KIF20A: variants seen among roughly 807,000 people sequenced by gnomAD.
KIF20A encodes kinesin-like protein KIF20A.
KIF20A carries 66 observed loss-of-function variants against 113.0 expected under a neutral mutation model. The ratio of observed to expected loss-of-function variants is 0.58; its 90% CI spans 0.48 to 0.72. KIF20A has a LOEUF of 0.72. Among genes scored for constraint, KIF20A ranks in the 30% least tolerant of loss-of-function variants. The pLI, the probability that KIF20A is intolerant of heterozygous loss-of-function variation, is 0.00. For missense variants in KIF20A, 927 were observed against 1,077.6 expected (o/e 0.86, Z 1.96); for synonymous variants, 376 against 402.3 (o/e 0.93, Z 0.78).
At chr5:138,186,957 T>G in intron 18 of KIF20A, 139 bp from the exon 19 acceptor site, 1 of 685,132 alleles carries the variant, frequency 1.5e-6, no homozygotes, top group Non-Finnish European at 2.4e-6. Context: ...AGTTATAAGC[T>G]CCGACCTTAA....
At chr5:138,187,006 G>A (rs1754755503) in intron 18 of KIF20A, 90 bp from the exon 19 acceptor site, 1 of 923,122 alleles carries the variant, frequency 1.1e-6, no homozygotes, top group Admixed American at 2.8e-5. Flanking sequence ...TTAGTAACTA[G>A]TAATGGATGG....
chr5:138,182,887 G>A lies in KIF20A; in HGVS notation c.729G>A (p.Arg243=). 6.2e-7 allele frequency: 1 copy of A among 1,614,222 alleles called. No homozygotes were observed. The highest frequency in any genetic ancestry group is 1.1e-5 in the South Asian group (1 of 91,082). The change falls in exon 7 of 19, where the codon AGG becomes AGA. Residue 243 remains arginine (R), a synonymous_variant. Transcript: ENST00000394894. ...QEEELSTSLK[R]SVYIESRIGT... ...AGGAGCTGTCCACTTCCTTGAAGAG[G>A]AGTGTCTACATCGAAAGTCGGATAG...
chr5:138,182,510 G>A (rs765241898), intron 5 of KIF20A, 49 bp downstream of exon 5: 6 of 1,612,126 alleles, frequency 3.7e-6, no homozygotes, highest in Non-Finnish European at 5.1e-6. Context: ...TAATGGTGTT[G>A]TTTTTACCTT....
rs1330470226 is a variant in KIF20A at position 138,182,729 on chromosome 5, G to A, written c.658G>A (p.Glu220Lys). Residue 220 changes from glutamate (E) to lysine (K), a missense_variant, in exon 6 of 19, where the codon GAG (glutamate) becomes AAG (lysine). Coordinates refer to ENST00000394894, the MANE Select transcript of KIF20A (RefSeq NM_005733.3). ...IWLDSKQIRQEEMKKLSLLNG... is the reference protein window; with the variant it reads ...IWLDSKQIRQKEMKKLSLLNG... ...GCTAGACAGCAAGCAGATCCGACAGGAGGAAATGAAGAAGCTGTCCCTGCT... is the reference window on the plus strand; with the variant it reads ...GCTAGACAGCAAGCAGATCCGACAGAAGGAAATGAAGAAGCTGTCCCTGCT... The A allele has an allele frequency of 1.2e-6, 2 of 1,614,012 alleles. No homozygotes were observed. The highest frequency in any genetic ancestry group is 1.1e-5 in the South Asian group (1 of 91,084).
At chr5:138,179,877 A>G in intron 2 of KIF20A, 32 bp downstream of exon 2, 1 of 1,609,754 alleles carries the variant, frequency 6.2e-7, no homozygotes, top group Non-Finnish European at 8.5e-7. Flanking sequence ...TGGGGCGGAA[A>G]GTGATATCCT....
In KIF20A at chr5:138,185,799, A is replaced by G. The variant is rs1352125856; in HGVS notation, c.2125+89A>G. ...GGCCTTCTAACTCCTGCTCTAACAT[A>G]ATTTCCTAAACTGCAAGCTACATCC... On this transcript the variant is annotated intron_variant, in intron 16 of 18. Transcript: ENST00000394894. 6 of 1,452,206 alleles carry G rather than the reference A, an allele frequency of 4.1e-6. No homozygotes were observed. In the African/African-American group the frequency reaches 7.0e-5, roughly 17 times the overall value. 90.0% of individuals were successfully genotyped at this position (1,452,206 alleles called of 1,614,324 possible).
chr5:138,183,941 A>G lies in KIF20A; in HGVS notation c.1209-21A>G. 6.2e-7 allele frequency: 1 copy of G among 1,614,040 alleles called. No individual in the cohort carries two copies. The highest frequency in any genetic ancestry group is 8.5e-7 in the Non-Finnish European group (1 of 1,179,946). The stretch of plus-strand genomic sequence containing the variant: ...TCATAACATGTGAGGCCCTTATGTC[A>G]GATCCTGTGCATCATTCTAGGCTGT... On this transcript the variant is annotated intron_variant, in intron 10 of 18. Coordinates refer to ENST00000394894, the MANE Select transcript of KIF20A (RefSeq NM_005733.3). The surrounding 1 kb of genome is among the most constrained non-coding windows in gnomAD (Gnocchi z 5.2).
chr5:138,184,946 G>A lies in KIF20A; in HGVS notation c.1823G>A (p.Ser608Asn). The change falls in exon 14 of 19, where the codon AGT becomes AAT. Residue 608 changes from serine to asparagine, a missense_variant and splice_region_variant. By Grantham distance (46) the Ser-to-Asn change is conservative (BLOSUM62 1). Coordinates refer to ENST00000394894, the MANE Select transcript of KIF20A (RefSeq NM_005733.3). ...ATGCAACAGCGGGAACAGTGGTGCA[G>A]GTACTAGCTGAGTGACCCCTCTTGC... ...EQMQQREQWC[S>N]EHLDTQKELL... is the part of the protein sequence containing the mutation. 6.2e-7 allele frequency: 1 copy of A among 1,613,986 alleles called. No homozygotes were observed. The highest frequency in any genetic ancestry group is 8.5e-7 in the Non-Finnish European group (1 of 1,179,904).
chr5:138,186,257 C>A, intron 17 of KIF20A, 37 bp from the exon 18 acceptor site: 1 of 1,575,280 alleles, frequency 6.3e-7, no homozygotes, highest in Non-Finnish European at 8.6e-7. Flanking sequence ...CCTGGTTGCT[C>A]TTGGCCACAA....
At chr5:138,185,826 CCT>C in intron 16 of KIF20A, 116 bp downstream of exon 16, 2 of 1,326,416 alleles carry the variant, frequency 1.5e-6, no homozygotes, top group East Asian at 2.4e-5. Flanking sequence ...GCTACATCCC[CCT>C]GACATTTCAA....
chr5:138,185,852 T>C lies in KIF20A; in HGVS notation c.2126-109T>C, dbSNP rs17234968. ...CTGACATTTCAATCTAGGATACACATAGCCTCACTTTTTATATTTGCTGCA... is the reference window on the plus strand; with the variant it reads ...CTGACATTTCAATCTAGGATACACACAGCCTCACTTTTTATATTTGCTGCA... On this transcript the variant is annotated intron_variant, in intron 16 of 18. Coordinates refer to ENST00000394894, the MANE Select transcript of KIF20A (RefSeq NM_005733.3). The C allele has an allele frequency of 3.5e-4, 459 of 1,297,878 alleles. No homozygotes were observed. In the African/African-American group the frequency reaches 6.1e-3, roughly 17 times the overall value. The allele number at this position is 1,297,878 out of a possible 1,614,324, so 80.4% of individuals were successfully genotyped here.
chr5:138,186,088 C>T, intron 17 of KIF20A, 36 bp downstream of exon 17: 2 of 1,586,692 alleles, frequency 1.3e-6, no homozygotes, highest in Non-Finnish European at 1.7e-6. Context: ...CAAACTCTTA[C>T]CTAAGGCAAT....
chr5:138,181,859 A>G, intron 4 of KIF20A, 131 bp downstream of exon 4: 1 of 973,170 alleles, frequency 1.0e-6, no homozygotes, highest in Non-Finnish European at 1.5e-6. Context: ...TGAGGGCCCT[A>G]GTTATGTGTT....
Position 138,185,704 on chromosome 5 carries a change from A to G in KIF20A, c.2119A>G (p.Thr707Ala), listed in dbSNP as rs1754732834. 2.5e-6 allele frequency: 4 copies of G among 1,614,074 alleles called. No homozygotes were observed. Among genetic ancestry groups the G allele is most frequent in the Non-Finnish European group, 3.4e-6 (4 of 1,179,934 alleles). The change falls in exon 16 of 19, where the codon ACT becomes GCT. Residue 707 changes from threonine to alanine, a missense_variant. Physicochemically the swap from Thr to Ala is moderately conservative, Grantham distance 58. Coordinates refer to ENST00000394894, the MANE Select transcript of KIF20A (RefSeq NM_005733.3). ...QQCKAELNST[T>A]EELHKYQKML... ...GTGCAAAGCAGAGCTAAACTCTACC[A>G]CTGAAGGTGAGGAAAGAGACAGGCA...
intron 15 of KIF20A, 23 bp downstream of exon 15, chr5:138,185,220 C>A: frequency 6.9e-7 from 1 of 1,455,848 alleles, no homozygotes; most frequent in South Asian, 1.2e-5. Context: ...GAGCCAGCTC[C>A]AATTAGCTGC....
In KIF20A at chr5:138,187,134, AG is replaced by A; in HGVS notation, c.2395del (p.Val799Ter). ...LAELQNNMVL[V>X]KLDLRKKAAC... ...CTGAACTGCAGAACAACATGGTGCT[AG>A]TGAAACTGGACCTTCGGAAGAAGGC... is the stretch of plus-strand genomic sequence containing the variant. On this transcript the variant is annotated frameshift_variant, in exon 19 of 19. Transcript: ENST00000394894. LOFTEE classifies it high-confidence loss of function. 1 of 1,613,220 alleles carries A rather than the reference AG, an allele frequency of 6.2e-7. No individual in the cohort carries two copies. The highest frequency in any genetic ancestry group is 8.5e-7 in the Non-Finnish European group (1 of 1,179,188).
rs1161115805 is a variant in KIF20A at position 138,184,366 on chromosome 5, A to G, written c.1480A>G (p.Thr494Ala). The change falls in exon 12 of 19, where the codon ACT (threonine) becomes GCT (alanine). Residue 494 changes from threonine to alanine, a missense_variant. Thr to Ala is a moderately conservative substitution (Grantham distance 58, BLOSUM62 0). Coordinates refer to ENST00000394894, the MANE Select transcript of KIF20A (RefSeq NM_005733.3). ...TCCCTGTGCATCTACCTATGATGAA[A>G]CTCTTCATGTGGCCAAGTTCTCAGC... ...VNPCASTYDE[T>A]LHVAKFSAIA... The G allele has an allele frequency of 1.2e-6, 2 of 1,614,108 alleles. No homozygotes were observed. Among genetic ancestry groups the G allele is most frequent in the Non-Finnish European group, 1.7e-6 (2 of 1,180,018 alleles).
In KIF20A at chr5:138,179,752, T is replaced by A. The variant is rs1754609530; in HGVS notation, c.72T>A (p.Phe24Leu). 6.2e-7 allele frequency: 1 copy of A among 1,614,048 alleles called. No individual in the cohort carries two copies. The highest frequency in any genetic ancestry group is 8.5e-7 in the Non-Finnish European group (1 of 1,180,040). ...SDDDVVVSPM[F>L]ESTAADLGSV... The stretch of plus-strand genomic sequence containing the variant: ...ACGATGTCGTAGTTTCTCCCATGTT[T>A]GAGTCCACAGCTGCAGATTTGGGGT... The change falls in exon 2 of 19, where the codon TTT becomes TTA. Residue 24 changes from phenylalanine (F) to leucine (L), a missense_variant. Phe to Leu is a conservative substitution (Grantham distance 22). Transcript: ENST00000394894.
intron 1 of KIF20A, 160 bp from the exon 2 acceptor site, chr5:138,179,474 AAACTTCTCTCAATTGTTCATTAAGTG>A (rs1360787596): frequency 1.8e-6 from 1 of 553,590 alleles, no homozygotes; most frequent in South Asian, 2.1e-5. Context: ...ATGCCGCCTC[AAACTTCTCTCAATTGTTCATTAAGTG>A]AACTTCTCTC....
Sources: allele counts gnomAD v4.1 joint callset, GRCh38; gene constraint gnomAD v4.1.1; non-coding constraint Gnocchi (gnomAD v3.1); transcripts MANE v1.5; gene names NCBI Gene and HGNC (gene_info 2026-07-23, HGNC 2026-07-21).